The following SLC4A5 variants were observed in gnomAD, a reference collection of about 807,000 sequenced individuals.
SLC4A5 encodes the protein electrogenic sodium bicarbonate cotransporter 4.
In SLC4A5, 96 loss-of-function variants were observed where a neutral mutation model predicts 120.4. That is an observed-to-expected ratio of 0.80 (90% CI 0.68 to 0.94). The LOEUF is 0.94. Among genes scored for constraint, SLC4A5 ranks in the 40% least tolerant of loss-of-function variants. The pLI is 0.00. For synonymous variants in SLC4A5, 550 were observed against 571.1 expected, an observed-to-expected ratio of 0.96 and a Z score of 0.53; for missense variants, 1,259 against 1,459.5, an observed-to-expected ratio of 0.86 and a Z score of 2.24.
intron 7 of SLC4A5, among the ~76,000 whole-genome samples, chr2:74,300,977 A>G (rs148221636): frequency 6.6e-5 from 10 of 152,284 alleles, no homozygotes; most frequent in South Asian, 2.1e-4. Flanking sequence ...GGAAGCATCA[A>G]ATTTCTTTAG....
At chr2:74,285,483 G>A (rs1671952926) in intron 8 of SLC4A5, among the ~76,000 whole-genome samples, 2 of 152,234 alleles carry the variant, frequency 1.3e-5, no homozygotes, top group Admixed American at 1.3e-4. Flanking sequence ...CCTGGAACCA[G>A]TGCCCTATGG....
chr2:74,221,454 A>T, exon 30 of SLC4A5: 1 of 1,613,786 alleles, frequency 6.2e-7, no homozygotes, highest in Non-Finnish European at 8.5e-7. Flanking sequence ...GTTCTGTGTC[A>T]CTGAAGGAAG....
chr2:74,252,308 T>C (rs1262438754), exon 16 of SLC4A5: 5 of 1,612,744 alleles, frequency 3.1e-6, no homozygotes, highest in African/African-American at 2.7e-5. Flanking sequence ...ACCACCTCCA[T>C]TGCCTCCTCC....
At chr2:74,309,620 A>C (rs1672746170) in intron 6 of SLC4A5, among the ~76,000 whole-genome samples, 1 of 152,038 alleles carries the variant, frequency 6.6e-6, no homozygotes, top group African/African-American at 2.4e-5. Flanking sequence ...GGGAGAACTG[A>C]CAACAATGTT....
Position 74,235,086 on chromosome 2 carries a change from G to A in SLC4A5, c.2433+15C>T. 1 of 1,602,284 alleles carries A rather than the reference G, an allele frequency of 6.2e-7. No individual in the cohort carries two copies. The highest frequency in any genetic ancestry group is 8.6e-7 in the Non-Finnish European group (1 of 1,169,518). On this transcript the variant is annotated intron_variant, in intron 22 of 30. Coordinates refer to ENST00000394019, the Ensembl canonical transcript of SLC4A5. Reference sequence around the variant, plus strand: ...CAGGCAGACTGGATGCCCAGAGCGAGGGAAAGGGGCAAACCTTGATGACAC... The same window carrying A: ...CAGGCAGACTGGATGCCCAGAGCGAAGGAAAGGGGCAAACCTTGATGACAC...
intron 1 of SLC4A5, among the ~76,000 whole-genome samples, chr2:74,343,051 A>G (rs1673660076): frequency 6.6e-6 from 1 of 152,204 alleles, no homozygotes; most frequent in Non-Finnish European, 1.5e-5. Context: ...CTCCCCTCAC[A>G]GAGGAAACTG....
intron 7 of SLC4A5, among the ~76,000 whole-genome samples, chr2:74,294,661 A>C (rs1207264194): frequency 6.7e-6 from 1 of 149,108 alleles, no homozygotes; most frequent in Non-Finnish European, 1.5e-5. Context: ...GAAAATTTAA[A>C]GGCCTCTCAG....
chr2:74,281,474 C>G (rs1440228681), intron 8 of SLC4A5, among the ~76,000 whole-genome samples: 1 of 152,214 alleles, frequency 6.6e-6, no homozygotes, highest in African/African-American at 2.4e-5. Context: ...CAATCTGATC[C>G]AGCCCTCCCT....
chr2:74,319,832 T>C, intron 5 of SLC4A5, among the ~76,000 whole-genome samples: 1 of 152,214 alleles, frequency 6.6e-6, no homozygotes, highest in Non-Finnish European at 1.5e-5. Flanking sequence ...CTTACTCTCC[T>C]CCTGGTTAGA....
At chr2:74,300,827 T>C (rs1325679480) in intron 7 of SLC4A5, among the ~76,000 whole-genome samples, 2 of 152,200 alleles carry the variant, frequency 1.3e-5, no homozygotes, top group East Asian at 1.9e-4. Context: ...ATGGAGCCAG[T>C]ACAAGAAGGA....
chr2:74,306,950 T>TC, intron 6 of SLC4A5: 1 of 608,578 alleles, frequency 1.6e-6, no homozygotes, highest in South Asian at 1.5e-5. Context: ...CCTGGCACTG[T>TC]CCCTCTGCCT....
chr2:74,264,232 G>A (rs776344645), exon 10 of SLC4A5: 10 of 1,614,252 alleles, frequency 6.2e-6, no homozygotes, highest in South Asian at 3.3e-5. Context: ...TCAGGAGGAC[G>A]TAACTGACCC....
rs1173221824 is a variant in SLC4A5 at position 74,246,318 on chromosome 2, C to A, written c.2059+718G>T. ...TGCTACCAACCAAGGGGGCCGAGAA[C>A]TCCCATGGTGGTTAACGCCCACCAT... On this transcript the variant is annotated intron_variant, in intron 19 of 30. Coordinates refer to ENST00000394019, the Ensembl canonical transcript of SLC4A5. Among the ~76,000 whole-genome samples the A allele has an allele frequency of 3.9e-5, 6 of 152,208 alleles. No individual in the cohort carries two copies. The East Asian group carries it at 1.2e-3, about 29-fold the overall frequency.
At chr2:74,282,795 T>C (rs1573059261) in intron 8 of SLC4A5, among the ~76,000 whole-genome samples, 1 of 152,330 alleles carries the variant, frequency 6.6e-6, no homozygotes, top group African/African-American at 2.4e-5. Flanking sequence ...CTAGGGCTTC[T>C]GGATGCAGAC....
At chr2:74,273,350 T>C (rs184958186) in intron 8 of SLC4A5, among the ~76,000 whole-genome samples, 136 of 152,346 alleles carry the variant, frequency 8.9e-4, no homozygotes, top group African/African-American at 3.0e-3. Context: ...TCCCAATGTA[T>C]GTAACCTTTA....
At chr2:74,224,941 C>A in exon 28 of SLC4A5, 1 of 1,614,006 alleles carries the variant, frequency 6.2e-7, no homozygotes, top group South Asian at 1.1e-5. Context: ...CAGGCCAGGT[C>A]GTGCTGGGAA....
chr2:74,324,383 C>T (rs2104323295), intron 5 of SLC4A5, among the ~76,000 whole-genome samples: 2 of 152,196 alleles, frequency 1.3e-5, no homozygotes, highest in Middle Eastern at 6.8e-3. Flanking sequence ...ATCTCAGTCT[C>T]CAAAGTAGGT....
At chr2:74,297,111 C>T (rs1672353838) in intron 7 of SLC4A5, among the ~76,000 whole-genome samples, 1 of 152,196 alleles carries the variant, frequency 6.6e-6, no homozygotes, top group Non-Finnish European at 1.5e-5. Flanking sequence ...ATTTTTCACA[C>T]TCCTTCCATC....
chr2:74,219,179 GTGT>G (rs1160738024), intron 30 of SLC4A5, among the ~76,000 whole-genome samples: 2 of 30,096 alleles, frequency 6.6e-5, no homozygotes, highest in African/African-American at 2.9e-4. Context: ...CTTTGGAGGT[GTGT>G]GTGTGTGTGT....
Sources: allele counts gnomAD v4.1 joint callset (sites outside exome capture counted in the v4.1 genomes callset), GRCh38; gene constraint gnomAD v4.1.1; transcripts MANE v1.5; gene names NCBI Gene and HGNC (gene_info 2026-07-23, HGNC 2026-07-21).